The following TET1 variants were observed in gnomAD, a reference collection of about 807,000 sequenced individuals.
TET1 encodes methylcytosine dioxygenase TET1.
A neutral mutation model predicts 148.7 loss-of-function variants in TET1; 13 were observed. That is an observed-to-expected ratio of 0.09 (90% CI 0.06 to 0.14). The LOEUF (loss-of-function observed/expected upper bound fraction) is 0.14, where lower values mean the gene tolerates loss of function less well. TET1 is among the 10% of genes least tolerant of loss of function. TET1 has a pLI of 1.00. For synonymous variants in TET1, 907 were observed against 937.2 expected, an observed-to-expected ratio of 0.97 and a Z score of 0.59; for missense variants, 2,182 against 2,553.8, an observed-to-expected ratio of 0.85 and a Z score of 3.14.
intron 3 of TET1, chr10:68,632,459 C>T (rs1296956730): frequency 3.1e-6 from 5 of 1,612,378 alleles, no homozygotes; most frequent in Middle Eastern, 4.1e-4. Flanking sequence ...ACTCCCTGCG[C>T]CCGGCATTCA....
At chr10:68,583,276 T>C (rs1027593157) in intron 2 of TET1, among the ~76,000 whole-genome samples, 1 of 152,190 alleles carries the variant, frequency 6.6e-6, no homozygotes, top group African/African-American at 2.4e-5. Context: ...AAAGTCCTTT[T>C]CAAGTAGCCA....
chr10:68,602,327 GAGAT>G (rs2054067397), intron 3 of TET1, among the ~76,000 whole-genome samples: 1 of 152,126 alleles, frequency 6.6e-6, no homozygotes, highest in Admixed American at 6.6e-5. Context: ...CCTTCCAACA[GAGAT>G]AGAAGTTTAT....
At chr10:68,619,773 T>C (rs1051293143) in intron 3 of TET1, among the ~76,000 whole-genome samples, 1 of 152,202 alleles carries the variant, frequency 6.6e-6, no homozygotes, top group African/African-American at 2.4e-5. Context: ...TCATTAGTTT[T>C]TGAAGTGCAT....
intron 3 of TET1, among the ~76,000 whole-genome samples, chr10:68,616,458 A>G (rs1231262100): frequency 6.6e-6 from 1 of 152,208 alleles, no homozygotes; most frequent in African/African-American, 2.4e-5. Context: ...TGACCTTAAC[A>G]GATCACTTGG....
chr10:68,691,617 G>A lies in TET1; in HGVS notation c.6214G>A (p.Glu2072Lys). ...ELNKIKFEAK[E>K]AKNKKMKASE... Reference sequence around the variant, plus strand: ...AAACAAGATTAAGTTTGAGGCTAAAGAAGCTAAGAATAAGAAAATGAAGGC... The same window carrying A: ...AAACAAGATTAAGTTTGAGGCTAAAAAAGCTAAGAATAAGAAAATGAAGGC... Residue 2072 changes from glutamate to lysine, a missense_variant, in exon 12 of 12, where the codon GAA becomes AAA. Coordinates refer to ENST00000373644, the MANE Select transcript of TET1 (RefSeq NM_030625.3). The surrounding 1 kb of genome is among the most constrained non-coding windows in gnomAD (Gnocchi z 4.4). The A allele has an allele frequency of 6.2e-7, 1 of 1,614,152 alleles. No individual in the cohort carries two copies. Among genetic ancestry groups the A allele is most frequent in the Non-Finnish European group, 8.5e-7 (1 of 1,180,032 alleles).
chr10:68,632,793 A>G, intron 3 of TET1: 6 of 1,168,268 alleles, frequency 5.1e-6, no homozygotes, highest in East Asian at 2.4e-5. Flanking sequence ...AAAACATTTC[A>G]TGTGCAATAA....
intron 3 of TET1, among the ~76,000 whole-genome samples, chr10:68,624,640 CTTTCTTTCTTTCTT>C (rs1360297269): frequency 4.4e-4 from 21 of 47,954 alleles, no homozygotes; most frequent in East Asian, 4.3e-3. Flanking sequence ...TTCTTTCTTT[CTTTCTTTCTTTCTT>C]TCTTTCTCTC....
At chr10:68,650,638 AT>A (rs2054918227) in intron 4 of TET1, among the ~76,000 whole-genome samples, 1 of 152,150 alleles carries the variant, frequency 6.6e-6, no homozygotes, top group African/African-American at 2.4e-5. Context: ...TCTCAAAAAA[AT>A]AATAATAAAA....
In TET1 at chr10:68,691,434, A is replaced by G. The variant is rs1257610194; in HGVS notation, c.6031A>G (p.Ile2011Val). The G allele has an allele frequency of 4.3e-6, 7 of 1,614,062 alleles. 1 individual carries two copies. The Admixed American group carries it at 5.0e-5, about 12-fold the overall frequency. ...FLDANIGGVAIAPAHGSVLIE... is the reference protein window; with the variant it reads ...FLDANIGGVAVAPAHGSVLIE... Reference sequence around the variant, plus strand: ...GGATGCAAATATTGGTGGGGTGGCCATCGCACCTGCTCACGGCTCGGTTTT... The same window carrying G: ...GGATGCAAATATTGGTGGGGTGGCCGTCGCACCTGCTCACGGCTCGGTTTT... The change falls in exon 12 of 12, where the codon ATC (isoleucine) becomes GTC (valine). Residue 2011 changes from isoleucine to valine, a missense_variant. Physicochemically the swap from Ile to Val is conservative, Grantham distance 29. This residue lies in a region of TET1 where 11 missense variants were observed against 44.0 expected (regional missense o/e 0.25). Coordinates refer to ENST00000373644, the MANE Select transcript of TET1 (RefSeq NM_030625.3). This position sits in a 1 kb window ranked among gnomAD's most constrained non-coding sequence, Gnocchi z 4.4.
Position 68,646,517 on chromosome 10 carries a change from T to C in TET1, c.3788T>C (p.Leu1263Pro). ...GTGAAGGTTGAACCATTGGATTCAC[T>C]CAGCTTATTTCATCTTAAAACGGAA... is the stretch of plus-strand genomic sequence containing the variant. ...EKVKVEPLDS[L>P]SLFHLKTESN... Residue 1263 changes from leucine (L) to proline (P), a missense_variant, in exon 4 of 12, where the codon CTC becomes CCC. Coordinates refer to ENST00000373644, the MANE Select transcript of TET1 (RefSeq NM_030625.3). The C allele has an allele frequency of 6.2e-7, 1 of 1,614,168 alleles. No homozygotes were observed. The highest frequency in any genetic ancestry group is 1.1e-5 in the South Asian group (1 of 91,084).
In TET1 at chr10:68,656,031, C is replaced by G. The variant is rs369826026; in HGVS notation, c.4461+3437C>G. On this transcript the variant is annotated intron_variant, in intron 6 of 11. Coordinates refer to ENST00000373644, the MANE Select transcript of TET1 (RefSeq NM_030625.3). ...ACATTCAAGGGATGTAGGTTGTGCT[C>G]TCCTTATGAGAATCTGATGCTTGAT... Among the ~76,000 whole-genome samples the G allele has an allele frequency of 5.5e-4, 83 of 152,252 alleles. 2 individuals carry two copies. In the South Asian group the frequency reaches 0.017, roughly 31 times the overall value.
intron 3 of TET1, among the ~76,000 whole-genome samples, chr10:68,641,487 T>C (rs2054753285): frequency 6.6e-6 from 1 of 151,452 alleles, no homozygotes; most frequent in African/African-American, 2.4e-5. Flanking sequence ...TTTATTTATT[T>C]ATTTATTTAT....
intron 3 of TET1, among the ~76,000 whole-genome samples, chr10:68,643,241 G>A (rs2054786308): frequency 1.8e-5 from 2 of 109,402 alleles, no homozygotes; most frequent in East Asian, 2.9e-4. Flanking sequence ...CAGCCTGGGT[G>A]ACAGAGTGAG....
chr10:68,634,722 A>T (rs1301974803), intron 3 of TET1, among the ~76,000 whole-genome samples: 15 of 152,130 alleles, frequency 9.9e-5, no homozygotes, highest in Admixed American at 8.5e-4. Flanking sequence ...GCAAGTAGTA[A>T]ATTCTCAGTA....
At chr10:68,656,476 A>G (rs528543737) in intron 6 of TET1, among the ~76,000 whole-genome samples, 2 of 152,304 alleles carry the variant, frequency 1.3e-5, no homozygotes, top group South Asian at 2.1e-4. Context: ...ATTAGCCAGG[A>G]TGGTCTTGAT....
chr10:68,561,684 G>C (rs922885195), intron 1 of TET1, among the ~76,000 whole-genome samples: 1 of 151,070 alleles, frequency 6.6e-6, no homozygotes, highest in African/African-American at 2.4e-5. Flanking sequence ...CTCTCTCTCT[G>C]TGCTTCCCTC....
Position 68,667,053 on chromosome 10 carries a change from A to G in TET1, c.4470A>G (p.Arg1490=). Residue 1490 remains arginine, a synonymous_variant, in exon 7 of 12, where the codon AGA becomes AGG. Coordinates refer to ENST00000373644, the MANE Select transcript of TET1 (RefSeq NM_030625.3). ...GTATTCTGTTTTTTCAGGTTTTAAGAAGAAGCAGTGATGAAGAAAAAGTTC... is the reference window on the plus strand; with the variant it reads ...GTATTCTGTTTTTTCAGGTTTTAAGGAGAAGCAGTGATGAAGAAAAAGTTC... ...HGCPIAKWVL[R]RSSDEEKVLC... 2 of 1,613,568 alleles carry G rather than the reference A, an allele frequency of 1.2e-6. No homozygotes were observed. The highest frequency in any genetic ancestry group is 2.7e-5 in the African/African-American group (2 of 75,042).
In TET1 at chr10:68,682,836, G is replaced by C. The variant is rs1214253206; in HGVS notation, c.4915G>C (p.Val1639Leu). 4 of 1,612,650 alleles carry C rather than the reference G, an allele frequency of 2.5e-6. No homozygotes were observed. The highest frequency in any genetic ancestry group is 3.4e-6 in the Non-Finnish European group (4 of 1,179,736). Residue 1639 changes from valine to leucine, a missense_variant and splice_region_variant, in exon 10 of 12, where the codon GTG becomes CTG. Val to Leu is a conservative substitution (Grantham distance 32, BLOSUM62 1). Transcript: ENST00000373644. ...QYAPVAYQNQ[V>L]EYENVARECR... ...TTGTGCTCCATGCTTTCTTTTCTAG[G>C]TGGAATATGAAAATGTTGCCCGAGA...
At chr10:68,685,877 C>T (rs2055502036) in intron 10 of TET1, among the ~76,000 whole-genome samples, 1 of 151,966 alleles carries the variant, frequency 6.6e-6, no homozygotes, top group African/African-American at 2.4e-5. Flanking sequence ...TAACTGTTAG[C>T]GTATAAGTCT....
Sources: allele counts gnomAD v4.1 joint callset (sites outside exome capture counted in the v4.1 genomes callset), GRCh38; gene constraint gnomAD v4.1.1; regional missense constraint gnomAD v4.1.1; non-coding constraint Gnocchi (gnomAD v3.1); transcripts MANE v1.5; gene names NCBI Gene and HGNC (gene_info 2026-07-23, HGNC 2026-07-21).